The following SUMF1 variants were observed in gnomAD, a reference collection of about 807,000 sequenced individuals.
SUMF1 encodes the protein sulfatase modifying factor 1.
SUMF1 carries 48 observed loss-of-function variants against 47.6 expected under a neutral mutation model. The observed-to-expected ratio is 1.01, with a 90% CI of 0.80 to 1.28. The LOEUF is 1.28. Ranked by LOEUF, SUMF1 falls within the 50% of genes most tolerant of loss-of-function variation. SUMF1 has a pLI of 0.00. For missense variants in SUMF1, 571 were observed against 485.4 expected (o/e 1.18, Z -1.66); for synonymous variants, 230 against 192.1 (o/e 1.20, Z -1.63).
intron 8 of SUMF1, among the ~76,000 whole-genome samples, chr3:4,266,975 G>C (rs1429287345): frequency 6.6e-6 from 1 of 152,094 alleles, no homozygotes; most frequent in African/African-American, 2.4e-5. Flanking sequence ...TGCATCTGTT[G>C]AGATAATCAT....
intron 3 of SUMF1, among the ~76,000 whole-genome samples, chr3:4,427,013 C>G (rs1702088413): frequency 6.6e-6 from 1 of 152,148 alleles, no homozygotes; most frequent in African/African-American, 2.4e-5. Context: ...TCCCACCTCT[C>G]CCTGGGGACA....
At chr3:4,399,907 G>A (rs1701154452) in intron 7 of SUMF1, among the ~76,000 whole-genome samples, 1 of 152,180 alleles carries the variant, frequency 6.6e-6, no homozygotes, top group East Asian at 1.9e-4. Flanking sequence ...ACAGGCCCGT[G>A]CCACCACACC....
intron 8 of SUMF1, chr3:4,313,582 G>A (rs747854639): frequency 1.9e-6 from 3 of 1,613,906 alleles, no homozygotes; most frequent in South Asian, 2.2e-5. Context: ...GCTAGATCAT[G>A]GGAAACTAAG....
intron 3 of SUMF1, among the ~76,000 whole-genome samples, chr3:4,426,990 G>C (rs1484570576): frequency 6.6e-6 from 1 of 152,190 alleles, no homozygotes. Context: ...ACTTCAGAGA[G>C]CAAAGACATG....
intron 9 of SUMF1, among the ~76,000 whole-genome samples, chr3:4,062,667 G>T (rs563734931): frequency 6.6e-6 from 1 of 152,198 alleles, no homozygotes; most frequent in Non-Finnish European, 1.5e-5. Flanking sequence ...TCTTAAAGTG[G>T]GTACTTTAGG....
intron 3 of SUMF1, among the ~76,000 whole-genome samples, chr3:4,422,886 T>C (rs9809832): frequency 0.65 from 98,154 of 151,922 alleles, 32,397 homozygotes; most frequent in East Asian, 0.98. Context: ...TTGTGAGATT[T>C]TGGTGCACCC....
intron 8 of SUMF1, among the ~76,000 whole-genome samples, chr3:4,076,902 G>A (rs1304614286): frequency 6.6e-6 from 1 of 152,068 alleles, no homozygotes; most frequent in African/African-American, 2.4e-5. Flanking sequence ...TACTCGGGAG[G>A]CTGAGGCAGG....
chr3:4,233,712 A>T (rs1290915807), intron 8 of SUMF1, among the ~76,000 whole-genome samples: 1 of 152,170 alleles, frequency 6.6e-6, no homozygotes, highest in Non-Finnish European at 1.5e-5. Context: ...ATGCTATTAC[A>T]GAAGTTTCTT....
chr3:4,035,071 G>A (rs1049594398), intron 9 of SUMF1, among the ~76,000 whole-genome samples: 5 of 152,116 alleles, frequency 3.3e-5, no homozygotes, highest in East Asian at 1.9e-4. Context: ...TCCAGCTGGA[G>A]GACAACAAAG....
chr3:4,261,263 G>A (rs968525166), intron 8 of SUMF1, among the ~76,000 whole-genome samples: 3 of 152,118 alleles, frequency 2.0e-5, no homozygotes, highest in African/African-American at 7.2e-5. Flanking sequence ...GAAGGGGAGA[G>A]AAACATTCAG....
chr3:4,209,736 A>C (rs1695738081), intron 8 of SUMF1, among the ~76,000 whole-genome samples: 1 of 152,162 alleles, frequency 6.6e-6, no homozygotes, highest in South Asian at 2.1e-4. Flanking sequence ...GGAAAATATA[A>C]TTTTAGAAAG....
intron 8 of SUMF1, among the ~76,000 whole-genome samples, chr3:4,111,143 C>CCCTA (rs10668789): frequency 0.025 from 3,718 of 151,682 alleles, 182 homozygotes; most frequent in African/African-American, 0.085. Flanking sequence ...GTTCCAGGAC[C>CCCTA]CCTACATGTA....
In SUMF1 at chr3:4,135,868, G is replaced by A. The variant is rs550997379; in HGVS notation, c.1015-67123C>T. On this transcript the variant is annotated intron_variant and NMD_transcript_variant, in intron 8 of 12. Coordinates refer to the SUMF1 transcript ENST00000448413. Reference sequence around the variant, plus strand: ...AGAGCCAAATCATCAGTGAACTCCCGTTCACAATTGCTTCAAAGAGAATAA... The same window carrying A: ...AGAGCCAAATCATCAGTGAACTCCCATTCACAATTGCTTCAAAGAGAATAA... Among the ~76,000 whole-genome samples the A allele has an allele frequency of 1.0e-3, 152 of 152,096 alleles. 2 individuals carry two copies. The highest frequency in any genetic ancestry group is 2.3e-3 in the South Asian group (11 of 4,820).
At chr3:4,124,204 T>G (rs985428936) in intron 8 of SUMF1, among the ~76,000 whole-genome samples, 9 of 152,094 alleles carry the variant, frequency 5.9e-5, no homozygotes, top group Non-Finnish European at 1.3e-4. Flanking sequence ...GGAGACAGAA[T>G]AAACAGATTT....
At chr3:4,250,584 G>C (rs1696779238) in intron 8 of SUMF1, among the ~76,000 whole-genome samples, 1 of 152,142 alleles carries the variant, frequency 6.6e-6, no homozygotes, top group Non-Finnish European at 1.5e-5. Flanking sequence ...TTCATAGCTA[G>C]AGAGGAAAAG....
rs1031308311 is a variant in SUMF1 at position 4,137,011 on chromosome 3, T to G, written c.1015-68266A>C. Among the ~76,000 whole-genome samples, 58 of 152,218 alleles carry G rather than the reference T, an allele frequency of 3.8e-4. 1 individual carries two copies. Among genetic ancestry groups the G allele is most frequent in the Admixed American group, 3.2e-3 (49 of 15,290 alleles). ...GGATGTGGAGAAATAGGAACACTTT[T>G]ACACTGTTGGTGGGACTGTAAACTA... On this transcript the variant is annotated intron_variant and NMD_transcript_variant, in intron 8 of 12. Transcript: ENST00000448413.
intron 8 of SUMF1, among the ~76,000 whole-genome samples, chr3:4,113,040 G>C (rs1485884000): frequency 6.6e-6 from 1 of 151,994 alleles, no homozygotes; most frequent in Non-Finnish European, 1.5e-5. Flanking sequence ...AAATACATTT[G>C]GTAAAGCTGA....
chr3:4,203,175 G>A (rs1695576837), intron 8 of SUMF1, among the ~76,000 whole-genome samples: 1 of 152,000 alleles, frequency 6.6e-6, no homozygotes. Context: ...TCTCTCCAAT[G>A]CCAAAAGTGG....
chr3:4,383,495 G>C (rs974067823), intron 7 of SUMF1, among the ~76,000 whole-genome samples: 5 of 152,210 alleles, frequency 3.3e-5, no homozygotes, highest in Admixed American at 2.0e-4. Context: ...TCCTCTGGTC[G>C]TGGTGGTGGC....
Sources: allele counts gnomAD v4.1 joint callset (sites outside exome capture counted in the v4.1 genomes callset), GRCh38; gene constraint gnomAD v4.1.1; transcripts MANE v1.5; gene names NCBI Gene and HGNC (gene_info 2026-07-23, HGNC 2026-07-21).